Variants in SLC4A10 observed in about 807,000 individuals in gnomAD.
SLC4A10 encodes sodium-driven chloride bicarbonate exchanger.
In SLC4A10, 42 loss-of-function variants were observed where a neutral mutation model predicts 137.7. The ratio of observed to expected loss-of-function variants is 0.30; its 90% CI spans 0.24 to 0.39. The LOEUF (loss-of-function observed/expected upper bound fraction) is 0.39, where lower values mean the gene tolerates loss of function less well. Ranked by LOEUF, SLC4A10 falls within the 10% of genes least tolerant of loss-of-function variation. The probability of loss-of-function intolerance (pLI) is 1.00; values close to 1 mark genes in which losing one functional copy is unlikely to be tolerated. For synonymous variants in SLC4A10, 474 were observed against 464.1 expected, an observed-to-expected ratio of 1.02 and a Z score of -0.27; for missense variants, 925 against 1,355.0, an observed-to-expected ratio of 0.68 and a Z score of 4.98.
chr2:161,904,922 T>C lies in SLC4A10; in HGVS notation c.1751+13T>C, dbSNP rs754299759. 1.9e-6 allele frequency: 3 copies of C among 1,613,748 alleles called. No homozygotes were observed. Among genetic ancestry groups the C allele is most frequent in the Non-Finnish European group, 2.5e-6 (3 of 1,179,724 alleles). ...TTAAATTTTGCAAGTAAGTGTTATG[T>C]ACTTTTTGGCCCTTAGCCTCTTCCT... On this transcript the variant is annotated intron_variant, in intron 14 of 26. Coordinates refer to ENST00000446997, the MANE Select transcript of SLC4A10 (RefSeq NM_001178015.2).
At chr2:161,792,718 C>G (rs954437210) in intron 2 of SLC4A10, among the ~76,000 whole-genome samples, 1 of 152,110 alleles carries the variant, frequency 6.6e-6, no homozygotes, top group Admixed American at 6.6e-5. Flanking sequence ...ATTGTTAACA[C>G]TCACCAATAT....
chr2:161,766,313 T>C (rs1385885056), intron 1 of SLC4A10, among the ~76,000 whole-genome samples: 1 of 152,130 alleles, frequency 6.6e-6, no homozygotes, highest in Admixed American at 6.6e-5. Flanking sequence ...TTTAATGGAA[T>C]TGTGTTTTGG....
chr2:161,723,287 G>A (rs995418817), intron 1 of SLC4A10, among the ~76,000 whole-genome samples: 3 of 152,156 alleles, frequency 2.0e-5, no homozygotes, highest in African/African-American at 4.8e-5. Context: ...TTGGCTGGGG[G>A]TGGGAGCTTC....
chr2:161,723,776 G>A (rs1008594518), intron 1 of SLC4A10, among the ~76,000 whole-genome samples: 7 of 152,098 alleles, frequency 4.6e-5, no homozygotes, highest in South Asian at 2.1e-4. Flanking sequence ...ACCCAGGCTT[G>A]AATATTTTCA....
At chr2:161,774,025 A>G (rs979275948) in intron 2 of SLC4A10, among the ~76,000 whole-genome samples, 1 of 151,686 alleles carries the variant, frequency 6.6e-6, no homozygotes, top group Non-Finnish European at 1.5e-5. Context: ...CTGTGGACTG[A>G]GTCTTTCCCA....
intron 21 of SLC4A10, among the ~76,000 whole-genome samples, chr2:161,961,966 C>T (rs1696799948): frequency 6.6e-6 from 1 of 152,084 alleles, no homozygotes; most frequent in South Asian, 2.1e-4. Context: ...GCTGAAATTC[C>T]TATTTGGAAT....
At chr2:161,818,938 C>G (rs2057371100) in intron 3 of SLC4A10, among the ~76,000 whole-genome samples, 1 of 152,056 alleles carries the variant, frequency 6.6e-6, no homozygotes, top group Non-Finnish European at 1.5e-5. Flanking sequence ...CTAAAATTCT[C>G]TTTTTTTGTT....
intron 2 of SLC4A10, among the ~76,000 whole-genome samples, chr2:161,779,133 G>T (rs1051405673): frequency 6.6e-6 from 1 of 151,924 alleles, no homozygotes; most frequent in African/African-American, 2.4e-5. Context: ...ATGTGTGAAA[G>T]GGCAAAACTC....
At chr2:161,824,032 A>G (rs751314375) in intron 3 of SLC4A10, among the ~76,000 whole-genome samples, 2 of 152,212 alleles carry the variant, frequency 1.3e-5, no homozygotes, top group Non-Finnish European at 2.9e-5. Flanking sequence ...CTTTGGTTCT[A>G]TCGATGCTTT....
At chr2:161,897,344 T>TGTGTAC (rs2063607734) in intron 11 of SLC4A10, among the ~76,000 whole-genome samples, 1 of 152,058 alleles carries the variant, frequency 6.6e-6, no homozygotes, top group Non-Finnish European at 1.5e-5. Flanking sequence ...CCCAAATTGT[T>TGTGTAC]GTGTACTTAG....
rs567151480 is a variant in SLC4A10 at position 161,804,470 on chromosome 2, G to C, written c.152G>C (p.Gly51Ala). Reference protein sequence around the residue: ...DLEGHRTLFIGVHVPLGGRKS... With the variant: ...DLEGHRTLFIAVHVPLGGRKS... ...GAAGGTCATCGAACACTATTTATTGGAGTACATGTGCCCTTGGGAGGAAGA... is the reference window on the plus strand; with the variant it reads ...GAAGGTCATCGAACACTATTTATTGCAGTACATGTGCCCTTGGGAGGAAGA... The change falls in exon 3 of 27, where the codon GGA becomes GCA. Residue 51 changes from glycine (G) to alanine (A), a missense_variant. Physicochemically the swap from Gly to Ala is moderately conservative, Grantham distance 60 (BLOSUM62 0). This residue lies in a region of SLC4A10 where 138 missense variants were observed against 171.3 expected (regional missense o/e 0.81). Coordinates refer to ENST00000446997, the MANE Select transcript of SLC4A10 (RefSeq NM_001178015.2). 2 of 1,612,620 alleles carry C rather than the reference G, an allele frequency of 1.2e-6. No individual in the cohort carries two copies. Among genetic ancestry groups the C allele is most frequent in the Non-Finnish European group, 1.7e-6 (2 of 1,179,166 alleles).
chr2:161,942,882 G>A lies in SLC4A10; in HGVS notation c.2088G>A (p.Glu696=). 3 of 1,593,864 alleles carry A rather than the reference G, an allele frequency of 1.9e-6. No individual in the cohort carries two copies. The highest frequency in any genetic ancestry group is 2.6e-6 in the Non-Finnish European group (3 of 1,169,336). The change falls in exon 16 of 27, where the codon GAG becomes GAA. Residue 696 remains glutamate, a synonymous_variant. Transcript: ENST00000446997. ...SNISASDIIW[E]NLTVSECKSL... is the part of the protein sequence containing the mutation. The stretch of plus-strand genomic sequence containing the variant: ...TTTCTGCCTCTGACATAATTTGGGA[G>A]AACCTAACTGTGTCAGTAAGTAAAA...
chr2:161,817,998 T>G (rs1268948832), intron 3 of SLC4A10, among the ~76,000 whole-genome samples: 3 of 152,054 alleles, frequency 2.0e-5, no homozygotes, highest in Non-Finnish European at 4.4e-5. Flanking sequence ...TTAAAGCAGT[T>G]TTTTCCAATT....
At chr2:161,692,803 C>T (rs561676025) in intron 1 of SLC4A10, among the ~76,000 whole-genome samples, 2 of 152,114 alleles carry the variant, frequency 1.3e-5, no homozygotes, top group African/African-American at 4.8e-5. Context: ...TTAACTAACT[C>T]GTCCAAGTTC....
chr2:161,689,933 A>G (rs1574365278), intron 1 of SLC4A10, among the ~76,000 whole-genome samples: 1 of 152,092 alleles, frequency 6.6e-6, no homozygotes, highest in Non-Finnish European at 1.5e-5. Context: ...AGGCTCCCAG[A>G]CTCCTCAAAA....
At chr2:161,687,249 T>A (rs183154027) in intron 1 of SLC4A10, among the ~76,000 whole-genome samples, 3 of 152,276 alleles carry the variant, frequency 2.0e-5, no homozygotes, top group East Asian at 3.9e-4. Flanking sequence ...TACAAATATA[T>A]ACATTATGAT....
At chr2:161,754,477 T>G (rs568175810) in intron 1 of SLC4A10, among the ~76,000 whole-genome samples, 3 of 152,308 alleles carry the variant, frequency 2.0e-5, no homozygotes, top group South Asian at 2.1e-4. Context: ...TGTTCTCATA[T>G]GAATTATGGC....
At chr2:161,644,581 C>A (rs2035771287) in intron 1 of SLC4A10, among the ~76,000 whole-genome samples, 1 of 152,144 alleles carries the variant, frequency 6.6e-6, no homozygotes, top group Non-Finnish European at 1.5e-5. Context: ...TAGATTGACT[C>A]TATGAATGGA....
At chr2:161,725,990 G>A (rs1274021884) in intron 1 of SLC4A10, among the ~76,000 whole-genome samples, 1 of 152,172 alleles carries the variant, frequency 6.6e-6, no homozygotes, top group Non-Finnish European at 1.5e-5. Context: ...ATCTTAGAAA[G>A]CAAGTGTGTC....
Sources: gnomAD v4.1 joint callset for allele counts (sites outside exome capture counted in the v4.1 genomes callset) on GRCh38, gnomAD v4.1.1 for gene constraint, gnomAD v4.1.1 regional missense constraint, MANE v1.5 for transcripts, NCBI Gene and HGNC (gene_info 2026-07-23, HGNC 2026-07-21) for gene names.